FMNL2: variants seen among roughly 807,000 people sequenced by gnomAD.
FMNL2 encodes the protein formin like 2.
A neutral mutation model predicts 130.2 loss-of-function variants in FMNL2; 51 were observed. That is an observed-to-expected ratio of 0.39 (90% CI 0.31 to 0.49). FMNL2 has a LOEUF of 0.49. Among genes scored for constraint, FMNL2 ranks in the 20% least tolerant of loss-of-function variants. FMNL2 has a pLI of 0.85. For missense variants in FMNL2, 977 were observed against 1,316.2 expected (o/e 0.74, Z 3.99); for synonymous variants, 465 against 467.1 (o/e 1.00, Z 0.06).
At chr2:152,523,938 G>A (rs1051016647) in intron 2 of FMNL2, among the ~76,000 whole-genome samples, 5 of 152,154 alleles carry the variant, frequency 3.3e-5, no homozygotes, top group Admixed American at 2.6e-4. Flanking sequence ...TGGAGAGGAA[G>A]CTTGCATTAT....
chr2:152,492,154 G>T (rs1250039095), intron 1 of FMNL2, among the ~76,000 whole-genome samples: 1 of 152,154 alleles, frequency 6.6e-6, no homozygotes, highest in Non-Finnish European at 1.5e-5. Context: ...ATATGGTCCT[G>T]TCTGTTGAAC....
intron 1 of FMNL2, among the ~76,000 whole-genome samples, chr2:152,472,465 T>C (rs1359141206): frequency 6.6e-6 from 1 of 152,228 alleles, no homozygotes; most frequent in African/African-American, 2.4e-5. Context: ...TGAGCTCACC[T>C]GGCAGCCAAC....
At chr2:152,497,593 C>A (rs561659291) in intron 1 of FMNL2, among the ~76,000 whole-genome samples, 20 of 152,262 alleles carry the variant, frequency 1.3e-4, no homozygotes, top group African/African-American at 4.8e-4. Context: ...CTCATTACTT[C>A]TTGGTTTATC....
chr2:152,356,562 A>G (rs2105795634), intron 1 of FMNL2, among the ~76,000 whole-genome samples: 1 of 152,356 alleles, frequency 6.6e-6, no homozygotes, highest in East Asian at 1.9e-4. Flanking sequence ...CCCAAAGTTA[A>G]TACAGTGCTT....
chr2:152,489,981 C>T (rs1691053906), intron 1 of FMNL2, among the ~76,000 whole-genome samples: 3 of 152,096 alleles, frequency 2.0e-5, no homozygotes, highest in African/African-American at 7.2e-5. Context: ...TGATAAACCA[C>T]AAAGAATAAA....
intron 9 of FMNL2, among the ~76,000 whole-genome samples, chr2:152,605,144 ATGG>A (rs1304230781): frequency 6.6e-6 from 1 of 152,072 alleles, no homozygotes; most frequent in East Asian, 1.9e-4. Context: ...GGGGCAGAAC[ATGG>A]TAACCCCTTA....
rs555321752 is a variant in FMNL2, at chr2:152,363,981, G to T, written c.117+28261G>T. ...AGTTAATTTGATTTTTTTGTTGTTG[G>T]TGGTGGTGTTTATATTGGAATTCAT... On this transcript the variant is annotated intron_variant, in intron 1 of 25. Transcript: ENST00000288670. Among the ~76,000 whole-genome samples the T allele has an allele frequency of 4.1e-4, 63 of 152,202 alleles. No individual in the cohort carries two copies. In the South Asian group the frequency reaches 4.8e-3, roughly 12 times the overall value.
chr2:152,336,869 T>G (rs771128442), intron 1 of FMNL2, among the ~76,000 whole-genome samples: 6 of 152,352 alleles, frequency 3.9e-5, no homozygotes, highest in Admixed American at 6.5e-5. Context: ...CGATTGTGCC[T>G]GCCTGCGGGT....
intron 22 of FMNL2, 74 bp downstream of exon 22, chr2:152,636,664 T>C (rs1039622868): frequency 3.4e-5 from 50 of 1,472,364 alleles, no homozygotes; most frequent in Non-Finnish European, 4.2e-5. Flanking sequence ...GGCCCTGTAT[T>C]TGGGGAGAAA....
intron 14 of FMNL2, 125 bp downstream of exon 14, chr2:152,619,283 A>G: frequency 1.5e-6 from 2 of 1,319,066 alleles, no homozygotes; most frequent in Non-Finnish European, 2.0e-6. Flanking sequence ...GGTTTTCTTG[A>G]GTAGTTCTTA....
intron 25 of FMNL2, among the ~76,000 whole-genome samples, chr2:152,641,486 A>G (rs1488821024): frequency 6.6e-6 from 1 of 152,234 alleles, no homozygotes; most frequent in Non-Finnish European, 1.5e-5. Context: ...ACTTCCTTTT[A>G]CAGATCAGAG....
intron 9 of FMNL2, among the ~76,000 whole-genome samples, chr2:152,597,709 A>G (rs1352327288): frequency 1.3e-5 from 2 of 152,192 alleles, no homozygotes; most frequent in African/African-American, 4.8e-5. Context: ...GTATTATACA[A>G]ATAATGCTGC....
At position 152,586,973 on chromosome 2, in the gene FMNL2, G is replaced by A. The variant is rs373861621; in HGVS notation, c.876+5924G>A. On this transcript the variant is annotated intron_variant, in intron 9 of 25. Transcript: ENST00000288670. Reference sequence around the variant, plus strand: ...ATCAGGGAAGACCTGATTGACTGGGGATGCCAGTCCATCTGGAGGCTGTTT... The same window carrying A: ...ATCAGGGAAGACCTGATTGACTGGGAATGCCAGTCCATCTGGAGGCTGTTT... Among the ~76,000 whole-genome samples, 31 of 152,246 alleles carry A rather than the reference G, an allele frequency of 2.0e-4. No homozygotes were observed. In the East Asian group the frequency reaches 4.8e-3, roughly 24 times the overall value.
intron 1 of FMNL2, among the ~76,000 whole-genome samples, chr2:152,393,366 C>A (rs13419948): frequency 0.14 from 20,899 of 152,176 alleles, 1,724 homozygotes; most frequent in African/African-American, 0.21. Context: ...GTTAAAGATA[C>A]CATAATAAAT....
chr2:152,416,094 G>A (rs943623968), intron 1 of FMNL2, among the ~76,000 whole-genome samples: 8 of 151,166 alleles, frequency 5.3e-5, no homozygotes, highest in African/African-American at 2.0e-4. Context: ...GGCTTTTCAG[G>A]ATTGCAAAAC....
chr2:152,414,930 G>A (rs567965913), intron 1 of FMNL2, among the ~76,000 whole-genome samples: 1 of 152,162 alleles, frequency 6.6e-6, no homozygotes, highest in Non-Finnish European at 1.5e-5. Context: ...GGAGACCTTG[G>A]GTGTCTAGCA....
At chr2:152,629,351 C>A (rs4146903) in intron 18 of FMNL2, among the ~76,000 whole-genome samples, 99,068 of 152,006 alleles carry the variant, frequency 0.65, 32,566 homozygotes, top group East Asian at 0.85. Context: ...CTACCAGAAG[C>A]AGCTGTGGAC....
intron 6 of FMNL2, among the ~76,000 whole-genome samples, chr2:152,569,572 T>C (rs146900485): frequency 1.3e-5 from 2 of 151,820 alleles, no homozygotes; most frequent in East Asian, 3.9e-4. Flanking sequence ...TCTTAGCTCC[T>C]TGGGGGGCTG....
intron 9 of FMNL2, among the ~76,000 whole-genome samples, chr2:152,584,251 G>A (rs1022504059): frequency 3.9e-5 from 6 of 152,056 alleles, no homozygotes; most frequent in African/African-American, 4.8e-5. Context: ...TGCAGATAGG[G>A]TTTTGTTCAG....
Sources: allele counts gnomAD v4.1 joint callset (sites outside exome capture counted in the v4.1 genomes callset), GRCh38; gene constraint gnomAD v4.1.1; transcripts MANE v1.5; gene names NCBI Gene and HGNC (gene_info 2026-07-23, HGNC 2026-07-21).